Variants in FSTL5 observed in about 807,000 individuals in gnomAD.
FSTL5 encodes follistatin-related protein 5.
FSTL5 carries 62 observed loss-of-function variants against 89.1 expected under a neutral mutation model. That is an observed-to-expected ratio of 0.70 (90% CI 0.57 to 0.86). The LOEUF (loss-of-function observed/expected upper bound fraction) is 0.86. Among genes scored for constraint, FSTL5 ranks in the 40% least tolerant of loss-of-function variants. FSTL5 has a pLI of 0.00. For missense variants in FSTL5, 1,057 were observed against 1,001.6 expected, an observed-to-expected ratio of 1.06 and a Z score of -0.75; for synonymous variants, 383 against 346.2, an observed-to-expected ratio of 1.11 and a Z score of -1.18.
intron 10 of FSTL5, among the ~76,000 whole-genome samples, chr4:161,510,956 C>T (rs1358896561): frequency 1.3e-5 from 2 of 151,892 alleles, no homozygotes; most frequent in African/African-American, 2.4e-5. Context: ...TTAAAACAGA[C>T]AGAAAATAGA....
intron 1 of FSTL5, among the ~76,000 whole-genome samples, chr4:162,132,441 C>T (rs893078752): frequency 1.3e-5 from 2 of 152,122 alleles, no homozygotes; most frequent in Non-Finnish European, 2.9e-5. Flanking sequence ...CACGAACCCA[C>T]CAGAAGGAAG....
At chr4:161,947,861 G>T (rs913984160) in intron 3 of FSTL5, among the ~76,000 whole-genome samples, 1 of 152,118 alleles carries the variant, frequency 6.6e-6, no homozygotes, top group Non-Finnish European at 1.5e-5. Context: ...ATGATTTGGT[G>T]TGTCTTTCTA....
chr4:161,716,176 T>C (rs1456858553), intron 6 of FSTL5, among the ~76,000 whole-genome samples: 1 of 152,114 alleles, frequency 6.6e-6, no homozygotes, highest in East Asian at 1.9e-4. Context: ...TTCATACTTG[T>C]TCTTCTCTTT....
At chr4:161,574,828 A>G (rs1192901070) in intron 8 of FSTL5, among the ~76,000 whole-genome samples, 2 of 152,206 alleles carry the variant, frequency 1.3e-5, no homozygotes, top group East Asian at 1.9e-4. Context: ...GTGTCTTTAT[A>G]GTAGAATGAT....
At chr4:161,474,115 C>T (rs903638256) in intron 13 of FSTL5, among the ~76,000 whole-genome samples, 9 of 151,876 alleles carry the variant, frequency 5.9e-5, no homozygotes, top group African/African-American at 2.2e-4. Context: ...TGTCTATATT[C>T]TGCAGCTATT....
intron 7 of FSTL5, among the ~76,000 whole-genome samples, chr4:161,649,744 CCTG>C (rs1736272839): frequency 6.6e-6 from 1 of 152,126 alleles, no homozygotes; most frequent in South Asian, 2.1e-4. Flanking sequence ...TACTAGCCTC[CCTG>C]CTATGATTTT....
chr4:161,994,664 C>T (rs1736236360), intron 3 of FSTL5, among the ~76,000 whole-genome samples: 1 of 152,192 alleles, frequency 6.6e-6, no homozygotes, highest in South Asian at 2.1e-4. Flanking sequence ...TGCTTGTTGG[C>T]AGCAAGTGTG....
At chr4:161,872,870 T>G (rs773735426) in intron 4 of FSTL5, among the ~76,000 whole-genome samples, 11 of 152,168 alleles carry the variant, frequency 7.2e-5, no homozygotes, top group African/African-American at 2.4e-5. Flanking sequence ...TGTATGAATT[T>G]TGATGATTCT....
chr4:161,525,976 CCTT>C (rs1196652260), intron 10 of FSTL5, among the ~76,000 whole-genome samples: 2 of 152,020 alleles, frequency 1.3e-5, no homozygotes, highest in East Asian at 3.8e-4. Context: ...CTTTGAAATG[CCTT>C]CTTAAACCTA....
chr4:161,760,344 C>A (rs533183459), intron 5 of FSTL5, among the ~76,000 whole-genome samples: 2 of 152,268 alleles, frequency 1.3e-5, no homozygotes, highest in South Asian at 4.1e-4. Flanking sequence ...TTCATACTCT[C>A]TCACATACAA....
At chr4:161,726,480 G>A (rs1739421280) in intron 6 of FSTL5, among the ~76,000 whole-genome samples, 1 of 151,716 alleles carries the variant, frequency 6.6e-6, no homozygotes, top group Non-Finnish European at 1.5e-5. Flanking sequence ...CGCCCACCTC[G>A]GCCTCCCAAA....
chr4:161,999,766 T>C (rs1736407016), intron 3 of FSTL5, among the ~76,000 whole-genome samples: 1 of 152,200 alleles, frequency 6.6e-6, no homozygotes, highest in Non-Finnish European at 1.5e-5. Context: ...ATTTTATAAA[T>C]TGAATACACC....
At chr4:161,837,331 A>T (rs1362215056) in intron 4 of FSTL5, among the ~76,000 whole-genome samples, 3 of 152,178 alleles carry the variant, frequency 2.0e-5, no homozygotes, top group Admixed American at 1.3e-4. Context: ...GTGTTAGGGA[A>T]ATTTAGAAAA....
At chr4:161,897,434 A>G in intron 4 of FSTL5, among the ~76,000 whole-genome samples, 1 of 151,656 alleles carries the variant, frequency 6.6e-6, no homozygotes, top group East Asian at 1.9e-4. Context: ...TAATTCCTAG[A>G]ATATGTTTAT....
intron 4 of FSTL5, among the ~76,000 whole-genome samples, chr4:161,883,965 G>GT (rs921044602): frequency 2.6e-5 from 4 of 151,942 alleles, no homozygotes; most frequent in Non-Finnish European, 4.4e-5. Context: ...AATGTATTCA[G>GT]TTTTTTTTCT....
chr4:162,082,140 T>C (rs970403811), intron 2 of FSTL5, among the ~76,000 whole-genome samples: 2 of 151,782 alleles, frequency 1.3e-5, no homozygotes, highest in African/African-American at 2.4e-5. Flanking sequence ...TATCTGATTC[T>C]TGTGCCTTTA....
intron 15 of FSTL5, among the ~76,000 whole-genome samples, chr4:161,403,955 T>C (rs954427399): frequency 6.6e-6 from 1 of 152,202 alleles, no homozygotes; most frequent in African/African-American, 2.4e-5. Context: ...CTCTGTGGCA[T>C]TTCAATTTCG....
At chr4:162,156,037 A>C (rs72988818) in intron 1 of FSTL5, among the ~76,000 whole-genome samples, 367 of 152,314 alleles carry the variant, frequency 2.4e-3, no homozygotes, top group African/African-American at 8.0e-3. Context: ...AAAGAGTAGG[A>C]TCTGATCATG....
intron 6 of FSTL5, among the ~76,000 whole-genome samples, chr4:161,732,419 T>G (rs1190584423): frequency 2.0e-5 from 3 of 152,024 alleles, no homozygotes; most frequent in Non-Finnish European, 2.9e-5. Context: ...TACATGGTTT[T>G]AAAAAATGTG....
Sources: allele counts gnomAD v4.1 joint callset (sites outside exome capture counted in the v4.1 genomes callset), GRCh38; gene constraint gnomAD v4.1.1; transcripts MANE v1.5; gene names NCBI Gene and HGNC (gene_info 2026-07-23, HGNC 2026-07-21).